Variants in CASK observed in about 807,000 individuals in gnomAD.
CASK encodes peripheral plasma membrane protein CASK.
In CASK, 4 loss-of-function variants were observed where a neutral mutation model predicts 82.9. The observed-to-expected ratio is 0.05, with a 90% CI of 0.02 to 0.11. The LOEUF (loss-of-function observed/expected upper bound fraction) is 0.11, where lower values mean the gene tolerates loss of function less well. CASK is among the 10% of genes least tolerant of loss of function. The pLI is 1.00. For missense variants in CASK, 358 were observed against 720.9 expected, an observed-to-expected ratio of 0.50 and a Z score of 5.76; for synonymous variants, 259 against 253.5, an observed-to-expected ratio of 1.02 and a Z score of -0.20.
chrX:41,863,626 C>T (rs2071534918), intron 1 of CASK, among the ~76,000 whole-genome samples: 1 of 112,348 alleles, frequency 8.9e-6, no homozygotes, highest in African/African-American at 3.2e-5. Flanking sequence ...TATATATTCA[C>T]ATTTTGTTAT....
intron 8 of CASK, among the ~76,000 whole-genome samples, chrX:41,643,383 T>A (rs1321386016): frequency 8.9e-6 from 1 of 111,900 alleles, no homozygotes; most frequent in Non-Finnish European, 1.9e-5. Flanking sequence ...ATTTTCATGA[T>A]ATTGATTCTT....
chrX:41,733,248 A>G, intron 5 of CASK, among the ~76,000 whole-genome samples: 1 of 109,676 alleles, frequency 9.1e-6, no homozygotes, highest in Non-Finnish European at 1.9e-5. Context: ...ACTTAAAACC[A>G]AGGAGTTGAT....
chrX:41,695,651 AACAAT>A (rs1193301824), intron 5 of CASK: 1 of 1,197,832 alleles, frequency 8.3e-7, no homozygotes, highest in Non-Finnish European at 1.1e-6. Context: ...GTCATACCAT[AACAAT>A]GACGACAACT....
At chrX:41,897,686 C>CCTAAA in intron 1 of CASK, among the ~76,000 whole-genome samples, 1 of 110,886 alleles carries the variant, frequency 9.0e-6, no homozygotes, top group Non-Finnish European at 1.9e-5. Context: ...TTGAAAAAAA[C>CCTAAA]CTAAAGACCA....
intron 15 of CASK, among the ~76,000 whole-genome samples, chrX:41,574,092 A>G (rs1169217033): frequency 9.0e-6 from 1 of 110,988 alleles, no homozygotes; most frequent in Non-Finnish European, 1.9e-5. Context: ...CCTATTAGAC[A>G]TGCACTGATC....
intron 8 of CASK, among the ~76,000 whole-genome samples, chrX:41,648,457 T>C (rs1201910946): frequency 9.0e-6 from 1 of 111,341 alleles, no homozygotes; most frequent in South Asian, 3.8e-4. Context: ...AAGTACTTGA[T>C]GTCTGTCACC....
intron 5 of CASK, among the ~76,000 whole-genome samples, chrX:41,721,263 A>T (rs1481363034): frequency 2.7e-5 from 3 of 111,547 alleles, no homozygotes; most frequent in Non-Finnish European, 5.6e-5. Context: ...TTATTAATCT[A>T]GTATTCCCTG....
At chrX:41,644,609 G>A (rs1311057084) in intron 8 of CASK, among the ~76,000 whole-genome samples, 2 of 112,273 alleles carry the variant, frequency 1.8e-5, no homozygotes, top group African/African-American at 6.5e-5. Flanking sequence ...CAAGGAATAC[G>A]AGAGATAACC....
intron 3 of CASK, among the ~76,000 whole-genome samples, chrX:41,783,133 G>T (rs1447127515): frequency 8.9e-6 from 1 of 111,836 alleles, no homozygotes; most frequent in Admixed American, 9.5e-5. Context: ...GACAGAGTGA[G>T]ACTGTTAAAA....
chrX:41,573,976 G>T (rs2065450918), intron 15 of CASK, among the ~76,000 whole-genome samples: 1 of 111,412 alleles, frequency 9.0e-6, no homozygotes, highest in Non-Finnish European at 1.9e-5. Flanking sequence ...TAGTCTGACT[G>T]GTGGGAACAG....
chrX:41,565,975 G>A (rs1418480196), intron 16 of CASK, among the ~76,000 whole-genome samples: 1 of 111,707 alleles, frequency 9.0e-6, no homozygotes, highest in Non-Finnish European at 1.9e-5. Context: ...CAGAACCAAC[G>A]ACAAAAACCA....
intron 2 of CASK, among the ~76,000 whole-genome samples, chrX:41,820,480 A>G (rs753990845): frequency 1.8e-5 from 2 of 111,415 alleles, no homozygotes; most frequent in South Asian, 7.5e-4. Context: ...TCTACTCTTA[A>G]AACTACAAAG....
rs148082969 is a variant in CASK at position 41,821,736 on chromosome X, G to A, written c.172+31379C>T. Among the ~76,000 whole-genome samples, 600 of 112,356 alleles carry A rather than the reference G, an allele frequency of 5.3e-3. 4 individuals are homozygous for A. Among genetic ancestry groups the A allele is most frequent in the African/African-American group, 0.018 (565 of 30,952 alleles). Reference sequence around the variant, plus strand: ...AAAAGTACTAATACAACAGACATGGGGATGAATCTCAATACCATTATTCTG... The same window carrying A: ...AAAAGTACTAATACAACAGACATGGAGATGAATCTCAATACCATTATTCTG... On this transcript the variant is annotated intron_variant, in intron 2 of 26. Coordinates refer to ENST00000378163, the MANE Select transcript of CASK (RefSeq NM_001367721.1).
chrX:41,852,696 A>G (rs763590340), intron 2 of CASK, among the ~76,000 whole-genome samples: 16 of 111,140 alleles, frequency 1.4e-4, no homozygotes, highest in African/African-American at 5.2e-4. Context: ...GATTCCACTA[A>G]ATCATAATCC....
intron 2 of CASK, among the ~76,000 whole-genome samples, chrX:41,849,241 G>A (rs1362612846): frequency 9.0e-6 from 1 of 111,629 alleles, no homozygotes; most frequent in African/African-American, 3.3e-5. Flanking sequence ...TGATAATTTA[G>A]TTTCCAATTC....
chrX:41,758,687 C>T (rs1323679025), intron 3 of CASK, among the ~76,000 whole-genome samples: 1 of 111,294 alleles, frequency 9.0e-6, no homozygotes, highest in Non-Finnish European at 1.9e-5. Flanking sequence ...GAGCTAAGGC[C>T]TCCTCTTGCA....
In CASK at chrX:41,651,432, G is replaced by A. The variant is rs546128685; in HGVS notation, c.831+9007C>T. Among the ~76,000 whole-genome samples the A allele has an allele frequency of 1.1e-4, 12 of 112,187 alleles. No homozygotes were observed. In the South Asian group the frequency reaches 4.1e-3, roughly 38 times the overall value. The stretch of plus-strand genomic sequence containing the variant: ...AAAAATTGTTCACTACTCTTTTCTA[G>A]GGGAAATCAGGAATAACTAGCACTG... On this transcript the variant is annotated intron_variant, in intron 8 of 26. Transcript: ENST00000378163.
intron 12 of CASK, among the ~76,000 whole-genome samples, chrX:41,594,964 G>A (rs1019394196): frequency 9.0e-6 from 1 of 111,656 alleles, no homozygotes; most frequent in East Asian, 2.8e-4. Context: ...TCTTTCCCAC[G>A]ACCAGACTCG....
In CASK at chrX:41,685,933, G is replaced by A. The variant is rs1042183945; in HGVS notation, c.430-14403C>T. ...AGGAGAGGGGTTCCTGGCAGTCTGA[G>A]AAGAGTACAGGTGTGAAAAAGTATT... On this transcript the variant is annotated intron_variant, in intron 5 of 26. Transcript: ENST00000378163. Among the ~76,000 whole-genome samples the A allele has an allele frequency of 2.2e-4, 24 of 111,376 alleles. 1 individual carries two copies. The highest frequency in any genetic ancestry group is 4.2e-3 in the Middle Eastern group (1 of 239).
Sources: gnomAD v4.1 joint callset for allele counts (sites outside exome capture counted in the v4.1 genomes callset) on GRCh38, gnomAD v4.1.1 for gene constraint, MANE v1.5 for transcripts, NCBI Gene and HGNC (gene_info 2026-07-23, HGNC 2026-07-21) for gene names.